The following CSMD1 variants were observed in gnomAD, a reference collection of about 807,000 sequenced individuals.
CSMD1 encodes CUB and sushi domain-containing protein 1.
Under a neutral mutation model 417.5 loss-of-function variants are expected in CSMD1, and 213 were observed. That is an observed-to-expected ratio of 0.51 (90% confidence interval 0.46 to 0.57). The LOEUF is 0.57. Ranked by LOEUF, CSMD1 falls within the 20% of genes least tolerant of loss-of-function variation. CSMD1 has a pLI of 0.00. For missense variants in CSMD1, 6,923 were observed against 4,529.7 expected, an observed-to-expected ratio of 1.53 and a Z score of -15.17; for synonymous variants, 2,862 against 1,736.8, an observed-to-expected ratio of 1.65 and a Z score of -16.11.
chr8:3,633,318 C>T (rs1248641044), intron 7 of CSMD1, among the ~76,000 whole-genome samples: 2 of 152,170 alleles, frequency 1.3e-5, no homozygotes, highest in African/African-American at 4.8e-5. Context: ...TCGTGTCATA[C>T]ATAAGACTCA....
At chr8:3,202,773 T>C (rs547173741) in intron 31 of CSMD1, among the ~76,000 whole-genome samples, 3 of 152,330 alleles carry the variant, frequency 2.0e-5, no homozygotes, top group Admixed American at 6.5e-5. Context: ...CATGTGTGTA[T>C]AGACACACAT....
At chr8:3,291,006 C>G (rs1037364176) in intron 25 of CSMD1, among the ~76,000 whole-genome samples, 1 of 152,122 alleles carries the variant, frequency 6.6e-6, no homozygotes, top group Non-Finnish European at 1.5e-5. Flanking sequence ...CCCATCAACA[C>G]CTAATTTTTT....
chr8:4,276,217 A>G (rs572206536), intron 3 of CSMD1, among the ~76,000 whole-genome samples: 1 of 152,230 alleles, frequency 6.6e-6, no homozygotes, highest in Non-Finnish European at 1.5e-5. Flanking sequence ...ACCTGGAACT[A>G]ACGCAAATGC....
chr8:4,098,045 C>T lies in CSMD1; in HGVS notation c.416-65946G>A, dbSNP rs1306371857. On this transcript the variant is annotated intron_variant, in intron 3 of 69. Transcript: ENST00000635120. ...GGAGTTCATATAATTTTTGTTCAGG[C>T]ACAGAGAATGCTCACTTAAAGTTCT... is the stretch of plus-strand genomic sequence containing the variant. 3.3e-5 allele frequency among the ~76,000 whole-genome samples: 5 copies of T among 152,214 alleles called. No individual in the cohort carries two copies. In the East Asian group the frequency reaches 7.7e-4, roughly 24 times the overall value.
At chr8:4,037,505 C>A (rs893135157) in intron 3 of CSMD1, among the ~76,000 whole-genome samples, 1 of 152,178 alleles carries the variant, frequency 6.6e-6, no homozygotes, top group Non-Finnish European at 1.5e-5. Flanking sequence ...ACCTTAACAT[C>A]TTGACACTTA....
intron 23 of CSMD1, among the ~76,000 whole-genome samples, chr8:3,320,085 C>T (rs1009807697): frequency 3.3e-5 from 5 of 152,296 alleles, no homozygotes; most frequent in East Asian, 1.9e-4. Context: ...CTGCCACCAG[C>T]GCACACAGAA....
intron 41 of CSMD1, chr8:3,128,293 C>T (rs952888637): frequency 6.6e-6 from 1 of 152,480 alleles, no homozygotes; most frequent in Non-Finnish European, 1.5e-5. Flanking sequence ...TAAATATCTT[C>T]ATGCTATTAT....
At chr8:4,065,076 G>A (rs1365275) in intron 3 of CSMD1, among the ~76,000 whole-genome samples, 126,522 of 152,260 alleles carry the variant, frequency 0.83, 52,635 homozygotes, top group Admixed American at 0.88. Context: ...TAATTTTACC[G>A]AATATAAAAA....
intron 1 of CSMD1, among the ~76,000 whole-genome samples, chr8:4,676,015 C>T (rs1805661297): frequency 6.6e-6 from 1 of 152,136 alleles, no homozygotes. Flanking sequence ...TTTGGCCTTG[C>T]AGTTTTTGAA....
intron 2 of CSMD1, among the ~76,000 whole-genome samples, chr8:4,422,471 G>C (rs558130354): frequency 6.6e-6 from 1 of 152,008 alleles, no homozygotes; most frequent in Non-Finnish European, 1.5e-5. Context: ...GTAAAAATAA[G>C]AAAAGAGAAG....
At chr8:4,726,794 A>G (rs985318529) in intron 1 of CSMD1, among the ~76,000 whole-genome samples, 4 of 152,224 alleles carry the variant, frequency 2.6e-5, no homozygotes, top group African/African-American at 9.6e-5. Flanking sequence ...TAAAAATTGC[A>G]ATAACACAAC....
At chr8:3,692,243 C>T (rs915439126) in intron 7 of CSMD1, among the ~76,000 whole-genome samples, 2 of 152,130 alleles carry the variant, frequency 1.3e-5, no homozygotes, top group African/African-American at 2.4e-5. Context: ...CTTCACAGCC[C>T]CCTTAGTCGC....
intron 3 of CSMD1, among the ~76,000 whole-genome samples, chr8:4,417,488 A>G (rs1797008187): frequency 6.6e-6 from 1 of 152,066 alleles, no homozygotes. Context: ...GCAGTCTGTT[A>G]ATACTACCAC....
At chr8:3,330,067 C>A (rs1392292805) in intron 23 of CSMD1, among the ~76,000 whole-genome samples, 2 of 152,100 alleles carry the variant, frequency 1.3e-5, no homozygotes, top group East Asian at 3.9e-4. Flanking sequence ...CATGGTGTGG[C>A]CCCATCCCTG....
At chr8:3,836,692 G>T (rs1802730458) in intron 5 of CSMD1, among the ~76,000 whole-genome samples, 1 of 152,042 alleles carries the variant, frequency 6.6e-6, no homozygotes, top group Non-Finnish European at 1.5e-5. Context: ...GTTCAATATG[G>T]TTAGAATTGG....
chr8:4,626,797 G>C (rs1481180098), intron 2 of CSMD1, among the ~76,000 whole-genome samples: 2 of 152,154 alleles, frequency 1.3e-5, no homozygotes, highest in Non-Finnish European at 2.9e-5. Context: ...GCCCTGTGCA[G>C]AGTTCTGAAT....
chr8:3,583,479 G>A (rs1035802464), intron 9 of CSMD1, among the ~76,000 whole-genome samples: 2 of 152,050 alleles, frequency 1.3e-5, no homozygotes, highest in Non-Finnish European at 2.9e-5. Flanking sequence ...CAGAAGCTTA[G>A]CAGAAGTGGT....
rs1264788418 is a variant in CSMD1 at position 3,350,149 on chromosome 8, TTGTGTA to T, written c.3305-1994_3305-1989del. Among the ~76,000 whole-genome samples the T allele has an allele frequency of 2.3e-4, 21 of 91,998 alleles. 7 individuals are homozygous for T. The Admixed American group carries it at 2.7e-3, about 12-fold the overall frequency. The allele number at this position is 91,998 out of a possible 152,430, so 60.4% of individuals were successfully genotyped here. On this transcript the variant is annotated intron_variant, in intron 21 of 69. Coordinates refer to ENST00000635120, the MANE Select transcript of CSMD1 (RefSeq NM_033225.6). ...AATACCTATAATAACCTATAATAAC[TTGTGTA>T]TGTGTGTGTTATAATACCTATAATA...
intron 23 of CSMD1, among the ~76,000 whole-genome samples, chr8:3,309,472 G>GAAAT (rs1415735078): frequency 6.6e-6 from 1 of 152,120 alleles, no homozygotes; most frequent in Admixed American, 6.5e-5. Context: ...TAAACTCAAA[G>GAAAT]AAATAGATGA....
Sources: gnomAD v4.1 joint callset for allele counts (sites outside exome capture counted in the v4.1 genomes callset) on GRCh38, gnomAD v4.1.1 for gene constraint, MANE v1.5 for transcripts, NCBI Gene and HGNC (gene_info 2026-07-23, HGNC 2026-07-21) for gene names.